NEK11: variants seen among roughly 807,000 people sequenced by gnomAD.
The protein encoded by NEK11 is serine/threonine-protein kinase Nek11.
Under a neutral mutation model 80.7 loss-of-function variants are expected in NEK11, and 72 were observed. That is an observed-to-expected ratio of 0.89 (90% CI 0.74 to 1.08). The LOEUF (loss-of-function observed/expected upper bound fraction) is 1.08, where lower values mean the gene tolerates loss of function less well. Among genes scored for constraint, NEK11 ranks in the 50% least tolerant of loss-of-function variants. NEK11 has a pLI of 0.00. For synonymous variants in NEK11, 251 were observed against 260.7 expected (o/e 0.96, Z 0.36); for missense variants, 764 against 763.6 (o/e 1.00, Z -0.01).
intron 17 of NEK11, among the ~76,000 whole-genome samples, chr3:131,327,900 T>G (rs1045273683): frequency 6.6e-6 from 1 of 152,034 alleles, no homozygotes; most frequent in African/African-American, 2.4e-5. Context: ...TAAAATTACC[T>G]TATTTGTTTA....
At chr3:131,096,245 C>T (rs2077413000) in intron 4 of NEK11, among the ~76,000 whole-genome samples, 1 of 151,788 alleles carries the variant, frequency 6.6e-6, no homozygotes, top group Non-Finnish European at 1.5e-5. Flanking sequence ...CATGTGTGCT[C>T]AATGTTTAGC....
At chr3:131,179,386 A>G (rs978532183) in intron 14 of NEK11, among the ~76,000 whole-genome samples, 1 of 152,362 alleles carries the variant, frequency 6.6e-6, no homozygotes, top group African/African-American at 2.4e-5. Context: ...GATTTCAAGG[A>G]GAGCTTTATC....
intron 4 of NEK11, among the ~76,000 whole-genome samples, chr3:131,084,780 A>G (rs747896360): frequency 1.3e-5 from 2 of 152,206 alleles, no homozygotes; most frequent in Non-Finnish European, 2.9e-5. Context: ...GCTATCAAAA[A>G]TCCTGAGGCC....
intron 17 of NEK11, among the ~76,000 whole-genome samples, chr3:131,315,773 T>C (rs1328171665): frequency 1.3e-5 from 2 of 152,072 alleles, no homozygotes; most frequent in Admixed American, 6.6e-5. Flanking sequence ...ATTCTCATTA[T>C]TCGGCTTCCA....
At chr3:131,257,773 A>G (rs2095842874) in intron 16 of NEK11, among the ~76,000 whole-genome samples, 1 of 152,172 alleles carries the variant, frequency 6.6e-6, no homozygotes, top group African/African-American at 2.4e-5. Context: ...GAGATTCCTT[A>G]AAGAACTAAA....
At chr3:131,142,971 A>G (rs902978707) in intron 7 of NEK11, among the ~76,000 whole-genome samples, 4 of 152,174 alleles carry the variant, frequency 2.6e-5, no homozygotes, top group African/African-American at 9.6e-5. Flanking sequence ...CAATAATTTT[A>G]TGGGTCGTAT....
intron 14 of NEK11, among the ~76,000 whole-genome samples, chr3:131,201,595 C>T (rs2094229975): frequency 6.6e-6 from 1 of 152,132 alleles, no homozygotes; most frequent in Non-Finnish European, 1.5e-5. Flanking sequence ...CCTCTACAAA[C>T]TTTGCAAAGT....
At chr3:131,151,447 A>T (rs2089624634) in intron 7 of NEK11, among the ~76,000 whole-genome samples, 1 of 152,058 alleles carries the variant, frequency 6.6e-6, no homozygotes, top group South Asian at 2.1e-4. Context: ...CCCACAAAAT[A>T]GTTCAATGGT....
chr3:131,040,220 T>C (rs902200260), intron 3 of NEK11, among the ~76,000 whole-genome samples: 1 of 152,112 alleles, frequency 6.6e-6, no homozygotes, highest in Non-Finnish European at 1.5e-5. Context: ...TACTCACGAA[T>C]GAATAATTAT....
rs949677466 is a variant in NEK11 at position 131,350,000 on chromosome 3, T to C, written c.*224T>C. 3 of 512,974 alleles carry C rather than the reference T, an allele frequency of 5.8e-6. No individual in the cohort carries two copies. The highest frequency in any genetic ancestry group is 1.9e-5 in the African/African-American group (1 of 51,766). 31.8% of individuals were successfully genotyped at this position (512,974 alleles called of 1,614,324 possible). On this transcript the variant is annotated 3_prime_UTR_variant, in exon 18 of 18. Coordinates refer to ENST00000383366, the MANE Select transcript of NEK11 (RefSeq NM_024800.5). ...TGGACTATACCCTGAGATAAGCTTA[T>C]AGATCAAGTTTGGCTCCCTTGAAAA... is the stretch of plus-strand genomic sequence containing the variant.
At chr3:131,149,024 T>C (rs1225376806) in intron 7 of NEK11, among the ~76,000 whole-genome samples, 1 of 152,152 alleles carries the variant, frequency 6.6e-6, no homozygotes, top group Middle Eastern at 3.4e-3. Context: ...TTTTGAAATA[T>C]ATAATAAATT....
chr3:131,064,199 G>A (rs1170785044), intron 3 of NEK11, among the ~76,000 whole-genome samples: 1 of 152,076 alleles, frequency 6.6e-6, no homozygotes, highest in African/African-American at 2.4e-5. Flanking sequence ...TGATGGATAA[G>A]GGATTTCTTT....
At chr3:131,270,217 C>A (rs1208237753) in intron 16 of NEK11, among the ~76,000 whole-genome samples, 1 of 152,194 alleles carries the variant, frequency 6.6e-6, no homozygotes, top group Non-Finnish European at 1.5e-5. Flanking sequence ...CCCCAAAAAA[C>A]AGCTTTTCTC....
At chr3:131,111,680 T>G (rs1483856783) in intron 5 of NEK11, among the ~76,000 whole-genome samples, 2 of 152,128 alleles carry the variant, frequency 1.3e-5, no homozygotes, top group African/African-American at 4.8e-5. Flanking sequence ...TCTATTAGAT[T>G]GGTGCAAAAG....
intron 4 of NEK11, among the ~76,000 whole-genome samples, chr3:131,085,202 T>C (rs1168594176): frequency 1.3e-5 from 2 of 152,214 alleles, no homozygotes; most frequent in Non-Finnish European, 2.9e-5. Flanking sequence ...CTGGCTAACC[T>C]GAGATGAGTT....
At chr3:131,061,375 A>T (rs1439319032) in intron 3 of NEK11, among the ~76,000 whole-genome samples, 1 of 152,164 alleles carries the variant, frequency 6.6e-6, no homozygotes, top group East Asian at 1.9e-4. Flanking sequence ...TGCATTGGGT[A>T]GAATGTAGGG....
At chr3:131,070,834 G>A (rs1269522612) in intron 3 of NEK11, among the ~76,000 whole-genome samples, 1 of 152,136 alleles carries the variant, frequency 6.6e-6, no homozygotes, top group East Asian at 1.9e-4. Context: ...CCTTCAAGAG[G>A]TAAATGGTGG....
In NEK11 at chr3:131,029,594, T is replaced by C. The variant is rs1455508399; in HGVS notation, c.-96-19T>C. On this transcript the variant is annotated intron_variant, in intron 2 of 17. Coordinates refer to ENST00000383366, the MANE Select transcript of NEK11 (RefSeq NM_024800.5). ...TTTAGCAACCTTTAGACCTGATCTT[T>C]TAACTTTTCATCTTTAAGGAACTGA... is the stretch of plus-strand genomic sequence containing the variant. 1.1e-5 allele frequency: 12 copies of C among 1,052,922 alleles called. No homozygotes were observed. Among genetic ancestry groups the C allele is most frequent in the Non-Finnish European group, 1.7e-5 (12 of 719,034 alleles). The allele number at this position is 1,052,922 out of a possible 1,614,324, so 65.2% of individuals were successfully genotyped here.
At chr3:131,271,321 A>T (rs1018083256) in intron 16 of NEK11, among the ~76,000 whole-genome samples, 78 of 152,182 alleles carry the variant, frequency 5.1e-4, no homozygotes, top group Non-Finnish European at 1.0e-3. Context: ...CAGTATTTCC[A>T]TAACTAGGGA....
Sources: gnomAD v4.1 joint callset for allele counts (sites outside exome capture counted in the v4.1 genomes callset) on GRCh38, gnomAD v4.1.1 for gene constraint, MANE v1.5 for transcripts, NCBI Gene and HGNC (gene_info 2026-07-23, HGNC 2026-07-21) for gene names.